The following EPC2 variants were observed in gnomAD, a reference collection of about 807,000 sequenced individuals.
EPC2 encodes the protein enhancer of polycomb 2, also known as enhancer of polycomb homolog 2.
EPC2 carries 14 observed loss-of-function variants against 92.1 expected under a neutral mutation model. That is an observed-to-expected ratio of 0.15 (90% CI 0.10 to 0.24). The LOEUF (loss-of-function observed/expected upper bound fraction) is 0.24. Ranked by LOEUF, EPC2 falls within the 10% of genes least tolerant of loss-of-function variation. EPC2 has a pLI of 1.00. For synonymous variants in EPC2, 340 were observed against 334.7 expected (o/e 1.02, Z -0.17); for missense variants, 755 against 971.5 (o/e 0.78, Z 2.96).
intron 2 of EPC2, among the ~76,000 whole-genome samples, chr2:148,701,137 G>T (rs74443437): frequency 1.3e-5 from 2 of 152,118 alleles, no homozygotes; most frequent in African/African-American, 4.8e-5. Context: ...GACTTACTAT[G>T]CTCTAATTAG....
chr2:148,783,839 A>G (rs1683806065), intron 12 of EPC2, 83 bp downstream of exon 12: 3 of 1,390,328 alleles, frequency 2.2e-6, no homozygotes, highest in African/African-American at 2.9e-5. Context: ...TTTTTTATCC[A>G]AGGGGAAAAT....
intron 1 of EPC2, among the ~76,000 whole-genome samples, chr2:148,672,521 C>T (rs1681175490): frequency 6.6e-6 from 1 of 152,098 alleles, no homozygotes; most frequent in Admixed American, 6.5e-5. Context: ...GTGTGATCAT[C>T]ATGGGGATTA....
chr2:148,666,587 G>C (rs1157705649), intron 1 of EPC2, among the ~76,000 whole-genome samples: 1 of 152,234 alleles, frequency 6.6e-6, no homozygotes, highest in Non-Finnish European at 1.5e-5. Context: ...AAATTACTCT[G>C]TCTGATTGCT....
intron 4 of EPC2, 47 bp from the exon 5 acceptor site, chr2:148,761,735 G>T (rs1400712798): frequency 3.9e-6 from 5 of 1,289,586 alleles, no homozygotes; most frequent in Middle Eastern, 5.4e-4. Context: ...AGCCGGAAAT[G>T]TAGATAACTG....
intron 2 of EPC2, among the ~76,000 whole-genome samples, chr2:148,739,833 C>CTTCT (rs1682845081): frequency 1.2e-5 from 1 of 81,296 alleles, no homozygotes; most frequent in Non-Finnish European, 2.2e-5. Context: ...TCTTCTTCTT[C>CTTCT]TTTTTTTTTT....
chr2:148,722,132 G>T (rs1482731731), intron 2 of EPC2, among the ~76,000 whole-genome samples: 1 of 151,974 alleles, frequency 6.6e-6, no homozygotes, highest in Non-Finnish European at 1.5e-5. Flanking sequence ...AGAAATACAG[G>T]ACTTTAATGA....
At chr2:148,773,883 A>G (rs1683572976) in intron 10 of EPC2, among the ~76,000 whole-genome samples, 2 of 152,052 alleles carry the variant, frequency 1.3e-5, no homozygotes. Context: ...CTATATTTTT[A>G]CTTTTGATGG....
Position 148,754,004 on chromosome 2 carries a change from G to A in EPC2, c.537G>A (p.Val179=). The change falls in exon 4 of 14, where the codon GTG becomes GTA. Residue 179 remains valine (V), a synonymous_variant. Transcript: ENST00000258484. ...YLIKAVYDYW[V]RKRKNCRGPS... Reference sequence around the variant, plus strand: ...TTAAAGCTGTATATGACTACTGGGTGAGAAAACGTAAAAACTGCAGGGGGC... The same window carrying A: ...TTAAAGCTGTATATGACTACTGGGTAAGAAAACGTAAAAACTGCAGGGGGC... The A allele has an allele frequency of 6.2e-7, 1 of 1,612,022 alleles. No individual in the cohort carries two copies. The highest frequency in any genetic ancestry group is 8.5e-7 in the Non-Finnish European group (1 of 1,179,076).
At chr2:148,708,111 TAAAG>T (rs898442906) in intron 2 of EPC2, among the ~76,000 whole-genome samples, 4 of 151,688 alleles carry the variant, frequency 2.6e-5, no homozygotes, top group Admixed American at 1.3e-4. Flanking sequence ...GCAAGACTAA[TAAAG>T]AAGAGAGAAG....
chr2:148,739,738 T>C (rs1682838548), intron 2 of EPC2, among the ~76,000 whole-genome samples: 1 of 151,918 alleles, frequency 6.6e-6, no homozygotes, highest in South Asian at 2.1e-4. Flanking sequence ...TCATCTACTT[T>C]CCTTCCTACT....
At chr2:148,751,101 C>G (rs189419933) in intron 3 of EPC2, among the ~76,000 whole-genome samples, 172 of 152,182 alleles carry the variant, frequency 1.1e-3, no homozygotes, top group Middle Eastern at 3.4e-3. Context: ...TTTCCCTTAT[C>G]TTCCCCACAT....
intron 1 of EPC2, among the ~76,000 whole-genome samples, chr2:148,673,797 G>A (rs1025953772): frequency 6.6e-6 from 1 of 152,004 alleles, no homozygotes; most frequent in Non-Finnish European, 1.5e-5. Flanking sequence ...TGTTGGTCAG[G>A]CTGGTCTCAA....
intron 1 of EPC2, among the ~76,000 whole-genome samples, chr2:148,645,733 G>T (rs1019750096): frequency 3.3e-5 from 5 of 152,208 alleles, no homozygotes; most frequent in Admixed American, 3.3e-4. Context: ...GAGGGCGGGG[G>T]CCACGACTAC....
chr2:148,782,602 GTTGT>G (rs1351791984), intron 11 of EPC2, among the ~76,000 whole-genome samples: 1 of 151,896 alleles, frequency 6.6e-6, no homozygotes, highest in Admixed American at 6.6e-5. Context: ...ACTAGGGGAA[GTTGT>G]TTGTAGACAC....
At chr2:148,687,560 A>AT (rs925096126) in intron 1 of EPC2, among the ~76,000 whole-genome samples, 1 of 152,200 alleles carries the variant, frequency 6.6e-6, no homozygotes, top group Non-Finnish European at 1.5e-5. Context: ...ATTTCATGGC[A>AT]TTTTTCTTAA....
At chr2:148,722,571 G>A (rs1024137373) in intron 2 of EPC2, among the ~76,000 whole-genome samples, 1 of 152,166 alleles carries the variant, frequency 6.6e-6, no homozygotes, top group African/African-American at 2.4e-5. Context: ...CATGCACTGC[G>A]GGTAGGAATG....
Position 148,707,363 on chromosome 2 carries a change from C to T in EPC2, c.313+16990C>T, listed in dbSNP as rs1344976402. ...GTTCATAAAGCAAGTCCTGAGAGACCTAAAAAGCGACTTAGACTCCCACAC... is the reference window on the plus strand; with the variant it reads ...GTTCATAAAGCAAGTCCTGAGAGACTTAAAAAGCGACTTAGACTCCCACAC... On this transcript the variant is annotated intron_variant, in intron 2 of 13. Transcript: ENST00000258484. Among the ~76,000 whole-genome samples, 4 of 152,228 alleles carry T rather than the reference C, an allele frequency of 2.6e-5. No homozygotes were observed. The East Asian group carries it at 7.7e-4, about 29-fold the overall frequency.
chr2:148,720,868 TTCAC>T (rs1464377715), intron 2 of EPC2, among the ~76,000 whole-genome samples: 2 of 152,180 alleles, frequency 1.3e-5, no homozygotes, highest in African/African-American at 2.4e-5. Flanking sequence ...AAGTGCAGTA[TTCAC>T]TCGCCGCTTT....
intron 2 of EPC2, among the ~76,000 whole-genome samples, chr2:148,696,429 AAG>A (rs1681745830): frequency 6.6e-6 from 1 of 152,250 alleles, no homozygotes; most frequent in Non-Finnish European, 1.5e-5. Flanking sequence ...CTTTTCAAAA[AAG>A]AAAAAAAGGC....
Sources: gnomAD v4.1 joint callset for allele counts (sites outside exome capture counted in the v4.1 genomes callset) on GRCh38, gnomAD v4.1.1 for gene constraint, MANE v1.5 for transcripts, NCBI Gene and HGNC (gene_info 2026-07-23, HGNC 2026-07-21) for gene names.